The following LPAR1 variants were observed in gnomAD, a reference collection of about 807,000 sequenced individuals.
The protein encoded by LPAR1 is LPA receptor 1.
A neutral mutation model predicts 23.8 loss-of-function variants in LPAR1; 5 were observed. The ratio of observed to expected loss-of-function variants is 0.21; its 90% CI spans 0.11 to 0.44. LPAR1 has a LOEUF of 0.44. Among genes scored for constraint, LPAR1 ranks in the 20% least tolerant of loss-of-function variants. LPAR1 has a pLI of 0.99. For missense variants in LPAR1, 311 were observed against 482.8 expected, an observed-to-expected ratio of 0.64 and a Z score of 3.33; for synonymous variants, 160 against 164.7, an observed-to-expected ratio of 0.97 and a Z score of 0.22.
intron 2 of LPAR1, among the ~76,000 whole-genome samples, chr9:110,974,984 C>T (rs2096524725): frequency 6.6e-6 from 1 of 152,082 alleles, no homozygotes; most frequent in African/African-American, 2.4e-5. Context: ...TTTGCCCACT[C>T]CTACTTTCAT....
chr9:110,873,528 A>T lies in LPAR1; in HGVS notation c.*1893T>A, dbSNP rs1473412917. 1 of 152,270 alleles carries T rather than the reference A, an allele frequency of 6.6e-6. No homozygotes were observed. The highest frequency in any genetic ancestry group is 1.5e-5 in the Non-Finnish European group (1 of 68,150). The allele number at this position is 152,270 out of a possible 1,614,324, so 9.4% of individuals were successfully genotyped here. The stretch of plus-strand genomic sequence containing the variant: ...CTGACATCCTCCTTCCTAGACAGCC[A>T]TTCATCTCCCGGACTTCTTTCTCTC... On this transcript the variant is annotated 3_prime_UTR_variant, in exon 6 of 6. Transcript: ENST00000683809.
chr9:110,914,957 T>C (rs2092915096), intron 5 of LPAR1, among the ~76,000 whole-genome samples: 2 of 151,734 alleles, frequency 1.3e-5, no homozygotes, highest in South Asian at 4.2e-4. Context: ...ATAAAACAGA[T>C]TTCGCAAGTT....
At chr9:110,875,864 T>C (rs2078975694) in intron 5 of LPAR1, 142 bp from the exon 6 acceptor site, 1 of 470,218 alleles carries the variant, frequency 2.1e-6, no homozygotes, top group African/African-American at 2.0e-5. Context: ...GCAAATGAAA[T>C]ACTCATTTCC....
chr9:110,945,503 C>T (rs1273121105), intron 4 of LPAR1: 1 of 152,066 alleles, frequency 6.6e-6, no homozygotes, highest in African/African-American at 2.4e-5. Context: ...GTTTTGTTAA[C>T]ATAGTAACAT....
At position 111,036,722 on chromosome 9, in the gene LPAR1, C is replaced by T. The variant is rs573239541; in HGVS notation, c.-261-521G>A. On this transcript the variant is annotated intron_variant, in intron 1 of 5. Coordinates refer to ENST00000683809, the MANE Select transcript of LPAR1 (RefSeq NM_001351411.2). ...AACCCAGCCTTCCCTCCTCGCTCCT[C>T]GCCCGTGCCTTCCTGCCTCAAGCTA... Among the ~76,000 whole-genome samples the T allele has an allele frequency of 3.9e-5, 6 of 152,310 alleles. No individual in the cohort carries two copies. The South Asian group carries it at 1.2e-3, about 32-fold the overall frequency.
At chr9:110,977,806 AG>A (rs1326636777) in intron 2 of LPAR1, among the ~76,000 whole-genome samples, 3 of 78,562 alleles carry the variant, frequency 3.8e-5, no homozygotes. Context: ...GAAGGAAGGA[AG>A]GAGGGAGGGA....
At chr9:110,981,349 T>C (rs180692707) in intron 2 of LPAR1, among the ~76,000 whole-genome samples, 148 of 152,210 alleles carry the variant, frequency 9.7e-4, no homozygotes, top group African/African-American at 3.3e-3. Context: ...GGTTATGTCA[T>C]GTCTCCTTGC....
At chr9:110,954,834 T>C in intron 4 of LPAR1, among the ~76,000 whole-genome samples, 1 of 152,166 alleles carries the variant, frequency 6.6e-6, no homozygotes, top group East Asian at 1.9e-4. Context: ...CACTAGACCA[T>C]ACCTACAAGA....
At chr9:110,908,284 AATTC>A (rs1375533434) in intron 5 of LPAR1, among the ~76,000 whole-genome samples, 10 of 149,558 alleles carry the variant, frequency 6.7e-5, no homozygotes, top group Non-Finnish European at 1.3e-4. Context: ...ATGCTTTTAT[AATTC>A]ATTAATGCTT....
chr9:110,964,855 T>C (rs2096147258), intron 4 of LPAR1, among the ~76,000 whole-genome samples: 1 of 40,550 alleles, frequency 2.5e-5, no homozygotes, highest in Non-Finnish European at 5.5e-5. Flanking sequence ...ACCAATCACT[T>C]TTTTTTTTTT....
At chr9:111,006,603 A>T (rs1935340607) in intron 2 of LPAR1, among the ~76,000 whole-genome samples, 1 of 152,200 alleles carries the variant, frequency 6.6e-6, no homozygotes, top group Admixed American at 6.5e-5. Flanking sequence ...GGGTTGATCC[A>T]AATCACACCT....
intron 5 of LPAR1, among the ~76,000 whole-genome samples, chr9:110,880,283 G>A (rs569152726): frequency 8.5e-5 from 13 of 152,264 alleles, no homozygotes; most frequent in African/African-American, 2.4e-4. Flanking sequence ...AGACGCAAAA[G>A]GCAGGGAGGA....
At chr9:110,991,237 T>G (rs967489945) in intron 2 of LPAR1, among the ~76,000 whole-genome samples, 2 of 152,192 alleles carry the variant, frequency 1.3e-5, no homozygotes, top group Non-Finnish European at 2.9e-5. Context: ...ATTTGCTCAT[T>G]TCTGCTTGTC....
At position 110,954,963 on chromosome 9, in the gene LPAR1, C is replaced by A. The variant is rs79973334; in HGVS notation, c.46-12795G>T. Among the ~76,000 whole-genome samples the A allele has an allele frequency of 4.7e-3, 709 of 152,192 alleles. 5 individuals carry two copies. The highest frequency in any genetic ancestry group is 0.017 in the African/African-American group (686 of 41,522). ...ACACAAATGAGGAAGAGAAAGAATT[C>A]ATATGTTACCACTAAAGAAAACCAC... On this transcript the variant is annotated intron_variant, in intron 4 of 5. Transcript: ENST00000683809.
chr9:111,030,722 C>T (rs930153044), intron 2 of LPAR1, among the ~76,000 whole-genome samples: 2 of 152,146 alleles, frequency 1.3e-5, no homozygotes, highest in Admixed American at 6.5e-5. Flanking sequence ...TTCTTATTCC[C>T]GTTTACAATA....
chr9:110,875,854 G>C, intron 5 of LPAR1, 132 bp from the exon 6 acceptor site: 1 of 477,328 alleles, frequency 2.1e-6, no homozygotes, highest in Non-Finnish European at 3.6e-6. Context: ...CACCATTGTC[G>C]CAAATGAAAT....
intron 2 of LPAR1, among the ~76,000 whole-genome samples, chr9:111,012,402 A>G (rs950523912): frequency 7.2e-5 from 11 of 152,042 alleles, no homozygotes; most frequent in African/African-American, 2.7e-4. Context: ...CCAATGCCTT[A>G]TCCTATGCTT....
intron 5 of LPAR1, among the ~76,000 whole-genome samples, chr9:110,902,151 A>G (rs998962484): frequency 6.6e-6 from 1 of 152,032 alleles, no homozygotes; most frequent in Non-Finnish European, 1.5e-5. Flanking sequence ...TAGAGCCTCA[A>G]TCTCGTAGCC....
At chr9:110,902,429 G>C (rs1486334304) in intron 5 of LPAR1, among the ~76,000 whole-genome samples, 1 of 151,974 alleles carries the variant, frequency 6.6e-6, no homozygotes, top group Non-Finnish European at 1.5e-5. Flanking sequence ...GTTTATAAGG[G>C]GCTTTTCCCA....
Sources: allele counts gnomAD v4.1 joint callset (sites outside exome capture counted in the v4.1 genomes callset), GRCh38; gene constraint gnomAD v4.1.1; transcripts MANE v1.5; gene names NCBI Gene and HGNC (gene_info 2026-07-23, HGNC 2026-07-21).